Variants in PFKP observed in about 807,000 individuals in gnomAD.
PFKP encodes the protein phosphofructokinase, platelet.
In PFKP, 101 loss-of-function variants were observed where a neutral mutation model predicts 94.3. The ratio of observed to expected loss-of-function variants is 1.07; its 90% CI spans 0.91 to 1.26. The LOEUF is 1.26. Ranked by LOEUF, PFKP falls within the 50% of genes most tolerant of loss-of-function variation. The pLI is 0.00. For synonymous variants in PFKP, 573 were observed against 432.6 expected (o/e 1.32, Z -4.03); for missense variants, 1,145 against 1,103.3 (o/e 1.04, Z -0.53).
At chr10:3,126,718 CCA>C (rs1391098101) in intron 16 of PFKP, among the ~76,000 whole-genome samples, 1 of 152,242 alleles carries the variant, frequency 6.6e-6, no homozygotes, top group Non-Finnish European at 1.5e-5. Flanking sequence ...GTAGCAAACG[CCA>C]CCTTTTCTTT....
chr10:3,124,397 T>C (rs970257479), intron 16 of PFKP, among the ~76,000 whole-genome samples: 2 of 152,206 alleles, frequency 1.3e-5, no homozygotes, highest in Non-Finnish European at 2.9e-5. Flanking sequence ...AACCCCGGTG[T>C]ACACGGGCTC....
chr10:3,081,495 A>G (rs1039657508), intron 1 of PFKP, among the ~76,000 whole-genome samples: 1 of 152,216 alleles, frequency 6.6e-6, no homozygotes, highest in African/African-American at 2.4e-5. Flanking sequence ...GAGCAAAGGC[A>G]CTGAAGGCTC....
At chr10:3,113,212 G>A in intron 12 of PFKP, 24 bp downstream of exon 12, 1 of 1,606,062 alleles carries the variant, frequency 6.2e-7, no homozygotes, top group Non-Finnish European at 8.5e-7. Context: ...CTCCCGCGAT[G>A]CCCCGACCTC....
chr10:3,083,128 C>T (rs1039149256), intron 2 of PFKP, among the ~76,000 whole-genome samples: 1 of 152,180 alleles, frequency 6.6e-6, no homozygotes, highest in Non-Finnish European at 1.5e-5. Context: ...GCTCTTACTG[C>T]TGTAGAAGTG....
At chr10:3,134,629 C>T (rs1260905726) in intron 20 of PFKP, 47 bp downstream of exon 20, 3 of 1,239,552 alleles carry the variant, frequency 2.4e-6, no homozygotes, top group Non-Finnish European at 3.6e-6. Context: ...TGCAGGCCGT[C>T]CTGCCTTGGT....
chr10:3,067,613 C>G lies in PFKP; in HGVS notation c.18C>G (p.Ser6=). 6.5e-7 allele frequency: 1 copy of G among 1,529,958 alleles called. No homozygotes were observed. Among genetic ancestry groups the G allele is most frequent in the East Asian group, 2.6e-5 (1 of 37,862 alleles). The allele number at this position is 1,529,958 out of a possible 1,614,324, so 94.8% of individuals were successfully genotyped here. MDADD[S]RAPKGSLRKF... is the part of the protein sequence containing the mutation. ...TCCTCGCCATGGACGCGGACGACTC[C>G]CGGGCCCCCAAGGGCTCCTTGCGGA... Residue 6 remains serine (S), a synonymous_variant, in exon 1 of 22, where the codon TCC becomes TCG. Coordinates refer to ENST00000381125, the MANE Select transcript of PFKP (RefSeq NM_002627.5).
intron 10 of PFKP, among the ~76,000 whole-genome samples, chr10:3,110,223 C>T (rs922261518): frequency 2.0e-5 from 3 of 150,946 alleles, no homozygotes; most frequent in African/African-American, 2.5e-5. Flanking sequence ...TATTTAGAGA[C>T]GGAGTCTCAC....
rs1170007787 is a variant in PFKP, at chr10:3,069,495, G to A, written c.112+1788G>A. 6.2e-6 allele frequency: 6 copies of A among 971,442 alleles called. No individual in the cohort carries two copies. In the Admixed American group the frequency reaches 9.8e-5, roughly 16 times the overall value. 60.2% of individuals were successfully genotyped at this position (971,442 alleles called of 1,614,324 possible). A position where few individuals can be genotyped will look rare whatever the true frequency, so the allele number is the denominator to read the frequency against. ...CCTTGAGTGACCTTACCTGGGCCGCGAAAGACAAGAAACCTTTGGCACAGG... is the reference window on the plus strand; with the variant it reads ...CCTTGAGTGACCTTACCTGGGCCGCAAAAGACAAGAAACCTTTGGCACAGG... On this transcript the variant is annotated intron_variant, in intron 1 of 21. Coordinates refer to ENST00000381125, the MANE Select transcript of PFKP (RefSeq NM_002627.5).
chr10:3,099,279 A>T lies in PFKP; in HGVS notation c.191A>T (p.Tyr64Phe). Residue 64 changes from tyrosine (Y) to phenylalanine (F), a missense_variant, in exon 3 of 22, where the codon TAC becomes TTC. Coordinates refer to ENST00000381125, the MANE Select transcript of PFKP (RefSeq NM_002627.5). Reference sequence around the variant, plus strand: ...GATTCTCCCTTTCTCCCCTAGGGCTACCAGGGCATGGTGGACGGAGGCTCA... The same window carrying T: ...GATTCTCCCTTTCTCCCCTAGGGCTTCCAGGGCATGGTGGACGGAGGCTCA... ...GAKVYFIYEG[Y>F]QGMVDGGSNI... is the part of the protein sequence containing the mutation. 6.2e-7 allele frequency: 1 copy of T among 1,612,454 alleles called. No homozygotes were observed. Among genetic ancestry groups the T allele is most frequent in the Non-Finnish European group, 8.5e-7 (1 of 1,178,442 alleles).
At chr10:3,095,912 C>CA (rs2131507886) in intron 2 of PFKP, among the ~76,000 whole-genome samples, 1 of 152,208 alleles carries the variant, frequency 6.6e-6, no homozygotes, top group South Asian at 2.1e-4. Flanking sequence ...ATGCACTAGA[C>CA]AGGGAGCATT....
rs112671498 is a variant in PFKP at position 3,133,516 on chromosome 10, C to T, written c.2022+202C>T. ...TACAAGCTTGGCTCACTGCAACCTCCACCTTCCAGGTTCAAGTGATTCTCC... is the reference window on the plus strand; with the variant it reads ...TACAAGCTTGGCTCACTGCAACCTCTACCTTCCAGGTTCAAGTGATTCTCC... On this transcript the variant is annotated intron_variant, in intron 19 of 21. Coordinates refer to ENST00000381125, the MANE Select transcript of PFKP (RefSeq NM_002627.5). Among the ~76,000 whole-genome samples the T allele has an allele frequency of 1.6e-4, 24 of 152,308 alleles. 3 individuals are homozygous for T. Among genetic ancestry groups the T allele is most frequent in the African/African-American group, 5.5e-4 (23 of 41,566 alleles).
At chr10:3,109,535 G>A in intron 10 of PFKP, 55 bp downstream of exon 10, 1 of 1,579,160 alleles carries the variant, frequency 6.3e-7, no homozygotes, top group Non-Finnish European at 8.5e-7. Context: ...GACAGAAGCT[G>A]CTTGTCAGGC....
intron 2 of PFKP, among the ~76,000 whole-genome samples, chr10:3,090,436 T>C (rs974923396): frequency 2.6e-5 from 4 of 152,196 alleles, no homozygotes; most frequent in Non-Finnish European, 5.9e-5. Flanking sequence ...GCTGTTTGAC[T>C]GCTTTTCAGG....
chr10:3,113,283 T>C, intron 12 of PFKP, 89 bp from the exon 13 acceptor site: 1 of 1,575,402 alleles, frequency 6.3e-7, no homozygotes, highest in Non-Finnish European at 8.7e-7. Flanking sequence ...TTTTCAGGCC[T>C]GGCACGGCAT....
intron 2 of PFKP, among the ~76,000 whole-genome samples, chr10:3,096,314 G>A (rs938295753): frequency 6.6e-5 from 10 of 152,136 alleles, no homozygotes; most frequent in South Asian, 2.1e-4. Flanking sequence ...ATGCTGCAGC[G>A]GCCTTGGCAT....
In PFKP at chr10:3,136,643, ATTTT is replaced by A; in HGVS notation, c.*65_*68del. The A allele has an allele frequency of 6.4e-7, 1 of 1,558,178 alleles. No individual in the cohort carries two copies. The highest frequency in any genetic ancestry group is 8.8e-7 in the Non-Finnish European group (1 of 1,138,508). On this transcript the variant is annotated 3_prime_UTR_variant, in exon 22 of 22. Transcript: ENST00000381125. ...TGTCTGTTTTTGTAACACTTAAGTT[ATTTT>A]ATCAGCACTTTATGCACGTATTATT...
intron 1 of PFKP, among the ~76,000 whole-genome samples, chr10:3,076,736 G>A (rs916844254): frequency 8.5e-5 from 13 of 152,140 alleles, no homozygotes; most frequent in African/African-American, 3.1e-4. Flanking sequence ...TGGCACTTGG[G>A]GCACCCGAGC....
At chr10:3,125,366 G>T in intron 16 of PFKP, 3 of 790,656 alleles carry the variant, frequency 3.8e-6, no homozygotes, top group South Asian at 2.1e-5. Flanking sequence ...TTGTTAGCTT[G>T]GCTTTATGTC....
rs563526074 is a variant in PFKP at position 3,122,638 on chromosome 10, C to T, written c.1683+2594C>T. Among the ~76,000 whole-genome samples the T allele has an allele frequency of 9.2e-5, 14 of 152,318 alleles. No homozygotes were observed. In the East Asian group the frequency reaches 1.7e-3, roughly 19 times the overall value. ...TCCTGAAGCCGCCGGAGGCTGAGGA[C>T]GCATGGGAGTGAGCGTCTCTTCCCT... On this transcript the variant is annotated intron_variant, in intron 16 of 21. Transcript: ENST00000381125.
Sources: gnomAD v4.1 joint callset for allele counts (sites outside exome capture counted in the v4.1 genomes callset) on GRCh38, gnomAD v4.1.1 for gene constraint, MANE v1.5 for transcripts, NCBI Gene and HGNC (gene_info 2026-07-23, HGNC 2026-07-21) for gene names.